Variants in ZNF704 observed in about 807,000 individuals in gnomAD.
The protein encoded by ZNF704 is zinc finger protein 704.
Under a neutral mutation model 44.7 loss-of-function variants are expected in ZNF704, and 10 were observed. The ratio of observed to expected loss-of-function variants is 0.22; its 90% CI spans 0.14 to 0.38. ZNF704 has a LOEUF of 0.38. Ranked by LOEUF, ZNF704 falls within the 10% of genes least tolerant of loss-of-function variation. ZNF704 has a pLI of 1.00. For missense variants in ZNF704, 390 were observed against 545.5 expected (o/e 0.71, Z 2.84); for synonymous variants, 211 against 207.6 (o/e 1.02, Z -0.14).
chr8:80,862,597 CA>C (rs10523461), intron 1 of ZNF704, among the ~76,000 whole-genome samples: 222 of 100,090 alleles, frequency 2.2e-3, no homozygotes, highest in Admixed American at 3.0e-3. Context: ...TTGTCTCTAC[CA>C]AAAAAAAAAA....
At chr8:80,838,870 C>T (rs568468648) in intron 1 of ZNF704, among the ~76,000 whole-genome samples, 8 of 148,550 alleles carry the variant, frequency 5.4e-5, no homozygotes, top group African/African-American at 7.5e-5. Context: ...CCAGTGGTGG[C>T]GGAGAAGGAG....
intron 1 of ZNF704, among the ~76,000 whole-genome samples, chr8:80,867,219 G>C (rs1364785835): frequency 6.6e-6 from 1 of 152,140 alleles, no homozygotes; most frequent in Admixed American, 6.6e-5. Context: ...GGCCCAGGCA[G>C]GATTCAGAGG....
chr8:80,745,496 T>C (rs1448896132), intron 2 of ZNF704, among the ~76,000 whole-genome samples: 3 of 152,074 alleles, frequency 2.0e-5, no homozygotes, highest in Admixed American at 2.0e-4. Context: ...TCAGGAGAAA[T>C]ACCATTATGT....
intron 2 of ZNF704, among the ~76,000 whole-genome samples, chr8:80,811,156 C>T (rs1808074629): frequency 1.3e-5 from 2 of 151,804 alleles, no homozygotes; most frequent in Non-Finnish European, 2.9e-5. Flanking sequence ...TGAAATGTGC[C>T]TTGTCCAAAC....
chr8:80,800,655 A>C (rs2129791221), intron 2 of ZNF704, among the ~76,000 whole-genome samples: 1 of 152,314 alleles, frequency 6.6e-6, no homozygotes, highest in South Asian at 2.1e-4. Context: ...AGAGCTTCTG[A>C]GGGAAGCACT....
intron 7 of ZNF704, among the ~76,000 whole-genome samples, chr8:80,653,071 A>G (rs1170813147): frequency 1.3e-5 from 2 of 152,186 alleles, no homozygotes; most frequent in Non-Finnish European, 2.9e-5. Context: ...CAAAAACCAC[A>G]TGATTATCTC....
intron 2 of ZNF704, among the ~76,000 whole-genome samples, chr8:80,724,858 G>A (rs771634962): frequency 3.0e-4 from 45 of 152,086 alleles, no homozygotes; most frequent in Non-Finnish European, 4.3e-4. Flanking sequence ...TTCATTCTGC[G>A]CCCCACAATG....
chr8:80,838,208 G>A (rs1808613639), intron 1 of ZNF704, among the ~76,000 whole-genome samples: 1 of 152,196 alleles, frequency 6.6e-6, no homozygotes, highest in African/African-American at 2.4e-5. Flanking sequence ...ATAGTTCATT[G>A]CAGCTGGCCT....
At position 80,635,410 on chromosome 8, in the gene ZNF704, T is replaced by A. The variant is rs1187249131; in HGVS notation, c.*5956A>T. The A allele has an allele frequency of 6.6e-6, 1 of 152,174 alleles. No individual in the cohort carries two copies. The highest frequency in any genetic ancestry group is 1.5e-5 in the Non-Finnish European group (1 of 68,022). 9.4% of individuals were successfully genotyped at this position (152,174 alleles called of 1,614,324 possible). On this transcript the variant is annotated 3_prime_UTR_variant, in exon 9 of 9. Transcript: ENST00000327835. The stretch of plus-strand genomic sequence containing the variant: ...GTTTTGTTTTTTTATTTTCCTTTTT[T>A]ATTTTTTCCCTCCACTATATTTTGG...
At chr8:80,693,570 C>G (rs986545484) in intron 2 of ZNF704, among the ~76,000 whole-genome samples, 4 of 152,198 alleles carry the variant, frequency 2.6e-5, no homozygotes, top group Admixed American at 6.5e-5. Context: ...GGGGCTGCAT[C>G]TAAGGTGATC....
intron 2 of ZNF704, among the ~76,000 whole-genome samples, chr8:80,695,274 C>T (rs1013265855): frequency 8.5e-5 from 13 of 152,210 alleles, no homozygotes; most frequent in Non-Finnish European, 1.5e-4. Flanking sequence ...AACTGTCTGC[C>T]CTTCCCAGAG....
chr8:80,696,287 T>C (rs1302612376), intron 2 of ZNF704, among the ~76,000 whole-genome samples: 1 of 152,240 alleles, frequency 6.6e-6, no homozygotes, highest in Non-Finnish European at 1.5e-5. Flanking sequence ...TAAAGGCTTT[T>C]ACCTTTTCAA....
chr8:80,629,959 T>A lies in ZNF704; in HGVS notation c.*11407A>T, dbSNP rs1817557713. The A allele has an allele frequency of 6.6e-6, 1 of 152,212 alleles. No individual in the cohort carries two copies. The allele number at this position is 152,212 out of a possible 1,614,324, so 9.4% of individuals were successfully genotyped here. A position where few individuals can be genotyped will look rare whatever the true frequency, so the allele number is the denominator to read the frequency against. On this transcript the variant is annotated 3_prime_UTR_variant, in exon 9 of 9. Coordinates refer to ENST00000327835, the MANE Select transcript of ZNF704 (RefSeq NM_001033723.3). ...CTTACGAAGTAACAAATAAACCATT[T>A]CCCATTTATTCATCTTAATGATGGA...
Position 80,829,058 on chromosome 8 carries a change from A to C in ZNF704, c.-21-7443T>G, listed in dbSNP as rs139610418. 1.7e-4 allele frequency among the ~76,000 whole-genome samples: 26 copies of C among 152,344 alleles called. 1 individual carries two copies. The highest frequency in any genetic ancestry group is 6.0e-4 in the African/African-American group (25 of 41,578). On this transcript the variant is annotated intron_variant, in intron 1 of 8. Transcript: ENST00000327835. ...TTTGGTTTACTTGTAACTCATTAAA[A>C]ACTCACAATATTTCTTAGACTGTAT...
In ZNF704 at chr8:80,629,917, A is replaced by T. The variant is rs1420237591; in HGVS notation, c.*11449T>A. The T allele has an allele frequency of 6.6e-6, 1 of 152,236 alleles. No homozygotes were observed. Among genetic ancestry groups the T allele is most frequent in the Non-Finnish European group, 1.5e-5 (1 of 68,044 alleles). 9.4% of individuals were successfully genotyped at this position (152,236 alleles called of 1,614,324 possible). A position where few individuals can be genotyped will look rare whatever the true frequency, so the allele number is the denominator to read the frequency against. Reference sequence around the variant, plus strand: ...GAACTGGGCACATTTTCTAACAGCCAACATTTCCCATTTATGCTTACGAAG... The same window carrying T: ...GAACTGGGCACATTTTCTAACAGCCTACATTTCCCATTTATGCTTACGAAG... On this transcript the variant is annotated 3_prime_UTR_variant, in exon 9 of 9. Transcript: ENST00000327835.
chr8:80,723,460 T>C (rs982975316), intron 2 of ZNF704, among the ~76,000 whole-genome samples: 9 of 152,098 alleles, frequency 5.9e-5, no homozygotes, highest in South Asian at 2.1e-4. Context: ...TAAAAAAACA[T>C]TGAAATCATA....
intron 5 of ZNF704, among the ~76,000 whole-genome samples, chr8:80,666,137 CCA>C (rs1254453638): frequency 7.2e-6 from 1 of 138,642 alleles, no homozygotes; most frequent in Admixed American, 7.7e-5. Context: ...ACCACAGTCC[CCA>C]GAGTGTGATA....
chr8:80,866,474 T>C (rs1423772023), intron 1 of ZNF704, among the ~76,000 whole-genome samples: 2 of 152,198 alleles, frequency 1.3e-5, no homozygotes, highest in East Asian at 3.9e-4. Flanking sequence ...TTCAACAACA[T>C]AGATTTGGCT....
At position 80,816,494 on chromosome 8, in the gene ZNF704, GCT is replaced by G. The variant is rs551507647; in HGVS notation, c.221+4878_221+4879del. Among the ~76,000 whole-genome samples the G allele has an allele frequency of 2.4e-4, 36 of 152,260 alleles. No homozygotes were observed. In the East Asian group the frequency reaches 6.6e-3, roughly 28 times the overall value. ...TCACATGGATGAACCTTTCAAACAT[GCT>G]CTCTTTTCCTGTCCTTAAACTCTTG... On this transcript the variant is annotated intron_variant, in intron 2 of 8. Coordinates refer to ENST00000327835, the MANE Select transcript of ZNF704 (RefSeq NM_001033723.3).
Sources: allele counts gnomAD v4.1 joint callset (sites outside exome capture counted in the v4.1 genomes callset), GRCh38; gene constraint gnomAD v4.1.1; transcripts MANE v1.5; gene names NCBI Gene and HGNC (gene_info 2026-07-23, HGNC 2026-07-21).